The following PRUNE2 variants were observed in gnomAD, a reference collection of about 807,000 sequenced individuals.
PRUNE2 encodes the protein protein prune homolog 2.
PRUNE2 carries 164 observed loss-of-function variants against 252.0 expected under a neutral mutation model. That is an observed-to-expected ratio of 0.65 (90% confidence interval 0.57 to 0.74). PRUNE2 has a LOEUF of 0.74. PRUNE2 is among the 30% of genes least tolerant of loss of function. The pLI is 0.00. For missense variants in PRUNE2, 3,495 were observed against 3,711.0 expected (o/e 0.94, Z 1.51); for synonymous variants, 1,292 against 1,350.2 (o/e 0.96, Z 0.94).
intron 6 of PRUNE2, among the ~76,000 whole-genome samples, chr9:76,767,239 G>A (rs1019951037): frequency 1.5e-4 from 23 of 152,056 alleles, no homozygotes; most frequent in Non-Finnish European, 1.6e-4. Context: ...ATCACTTGAG[G>A]TCGGGAGTTC....
chr9:76,717,357 C>T (rs1248551992), intron 6 of PRUNE2, among the ~76,000 whole-genome samples: 1 of 152,110 alleles, frequency 6.6e-6, no homozygotes, highest in East Asian at 1.9e-4. Context: ...TTATTATTGT[C>T]TTCTAGCTAC....
At position 76,638,279 on chromosome 9, in the gene PRUNE2, C is replaced by CCATAG; in HGVS notation, c.8733_8737dup (p.Gly2913AlafsTer6). ...CACAATGATGGCATTTAGACCGTCCCCATAGTATCCTGGGGGACAAACAAA... is the reference window on the plus strand; with the variant it reads ...CACAATGATGGCATTTAGACCGTCCCCATAGCATAGTATCCTGGGGGACAAACAAA... On this transcript the variant is annotated frameshift_variant, in exon 13 of 19. Coordinates refer to ENST00000376718, the MANE Select transcript of PRUNE2 (RefSeq NM_015225.3). LOFTEE classifies it high-confidence loss of function. 1 of 1,612,684 alleles carries CCATAG rather than the reference C, an allele frequency of 6.2e-7. No homozygotes were observed. Among genetic ancestry groups the CCATAG allele is most frequent in the East Asian group, 2.2e-5 (1 of 44,840 alleles).
At chr9:76,749,213 G>A (rs920755879) in intron 6 of PRUNE2, among the ~76,000 whole-genome samples, 3 of 152,204 alleles carry the variant, frequency 2.0e-5, no homozygotes, top group Non-Finnish European at 4.4e-5. Flanking sequence ...AGTGGAAAAT[G>A]CCATCAGCTG....
At chr9:76,854,015 A>G in intron 2 of PRUNE2, 89 bp downstream of exon 2, 1 of 608,994 alleles carries the variant, frequency 1.6e-6, no homozygotes, top group Non-Finnish European at 2.8e-6. Flanking sequence ...AAATTAAGTT[A>G]ATAGGTTCCT....
At chr9:76,663,102 T>C (rs1179963282) in intron 9 of PRUNE2, among the ~76,000 whole-genome samples, 1 of 152,190 alleles carries the variant, frequency 6.6e-6, no homozygotes, top group Admixed American at 6.5e-5. Context: ...ACAGAGTACT[T>C]ATCAAATTAC....
intron 4 of PRUNE2, among the ~76,000 whole-genome samples, chr9:76,840,204 T>A (rs1184433782): frequency 1.3e-5 from 2 of 152,180 alleles, no homozygotes; most frequent in African/African-American, 4.8e-5. Flanking sequence ...ACTTAGCAAC[T>A]GAGCAGAGGA....
chr9:76,855,082 A>AAAAAAAATATATATAT (rs1490285240), intron 1 of PRUNE2, among the ~76,000 whole-genome samples: 1 of 109,438 alleles, frequency 9.1e-6, no homozygotes, highest in African/African-American at 3.9e-5. Context: ...AAAAAAAAAA[A>AAAAAAAATATATATAT]ATATATATAT....
At chr9:76,824,789 C>T (rs2058248850) in intron 5 of PRUNE2, among the ~76,000 whole-genome samples, 1 of 152,182 alleles carries the variant, frequency 6.6e-6, no homozygotes, top group South Asian at 2.1e-4. Flanking sequence ...CTCTGTCAAT[C>T]ACATGAGGAA....
At chr9:76,794,989 G>T (rs1355614656) in intron 6 of PRUNE2, among the ~76,000 whole-genome samples, 1 of 152,116 alleles carries the variant, frequency 6.6e-6, no homozygotes, top group Non-Finnish European at 1.5e-5. Flanking sequence ...ATGCTCTTCT[G>T]CCTGCCACGA....
intron 1 of PRUNE2, among the ~76,000 whole-genome samples, chr9:76,885,086 A>G (rs1369976289): frequency 6.6e-6 from 1 of 152,212 alleles, no homozygotes; most frequent in Non-Finnish European, 1.5e-5. Context: ...ACCCAAAGGG[A>G]AGGAGTAAGG....
intron 18 of PRUNE2, among the ~76,000 whole-genome samples, chr9:76,617,642 T>C (rs1830346640): frequency 6.6e-6 from 1 of 152,184 alleles, no homozygotes; most frequent in South Asian, 2.1e-4. Flanking sequence ...GAAGAATATG[T>C]TCTTCTAAAA....
chr9:76,621,434 T>A (rs529275546), intron 17 of PRUNE2, among the ~76,000 whole-genome samples: 3 of 152,152 alleles, frequency 2.0e-5, no homozygotes, highest in Non-Finnish European at 4.4e-5. Flanking sequence ...CTGTACACAT[T>A]TTCAAATGTG....
At position 76,705,100 on chromosome 9, in the gene PRUNE2, AC is replaced by A; in HGVS notation, c.7173del (p.Tyr2392ThrfsTer20). ...TAAGACAAATCAAAGGGAGGTGTGT[AC>A]GGTGCCAGCGACTGCTTCAGAGAAT... ...EEDSLKQSLA[P>X]YTPPFDLSYL... On this transcript the variant is annotated frameshift_variant, in exon 8 of 19. Transcript: ENST00000376718. LOFTEE classifies it high-confidence loss of function. 1 of 1,614,018 alleles carries A rather than the reference AC, an allele frequency of 6.2e-7. No homozygotes were observed. The highest frequency in any genetic ancestry group is 8.5e-7 in the Non-Finnish European group (1 of 1,179,896).
chr9:76,618,832 G>A (rs148471438), intron 18 of PRUNE2, among the ~76,000 whole-genome samples: 14 of 152,316 alleles, frequency 9.2e-5, no homozygotes, highest in South Asian at 4.1e-4. Context: ...AGTCTGGAAC[G>A]TGGTTAAGAA....
At chr9:76,837,441 A>AAATATAATAATAATAAT in intron 4 of PRUNE2, among the ~76,000 whole-genome samples, 1 of 134,832 alleles carries the variant, frequency 7.4e-6, no homozygotes, top group East Asian at 2.4e-4. Flanking sequence ...ACTCTGTCTC[A>AAATATAATAATAATAAT]AATAATAATA....
intron 6 of PRUNE2, chr9:76,739,273 C>A (rs141060905): frequency 1.3e-5 from 2 of 152,072 alleles, no homozygotes; most frequent in African/African-American, 4.8e-5. Flanking sequence ...GGTTTGGATA[C>A]CAGCTGTAGC....
chr9:76,850,451 A>G lies in PRUNE2; in HGVS notation c.344+12T>C. On this transcript the variant is annotated intron_variant, in intron 3 of 18. Transcript: ENST00000376718. ...GAGGGATTAAACCTCAGAGCTTCAC[A>G]GTGGATCTTACCTCGCCAGCACACT... 5 of 1,607,434 alleles carry G rather than the reference A, an allele frequency of 3.1e-6. No individual in the cohort carries two copies. The highest frequency in any genetic ancestry group is 4.3e-6 in the Non-Finnish European group (5 of 1,173,922).
At chr9:76,838,274 T>C (rs2059175318) in intron 4 of PRUNE2, among the ~76,000 whole-genome samples, 1 of 151,620 alleles carries the variant, frequency 6.6e-6, no homozygotes, top group African/African-American at 2.4e-5. Context: ...ACAAGTAGAT[T>C]CTCCATTTAA....
intron 1 of PRUNE2, among the ~76,000 whole-genome samples, chr9:76,875,468 T>C (rs2061425933): frequency 6.6e-6 from 1 of 151,988 alleles, no homozygotes; most frequent in Admixed American, 6.6e-5. Flanking sequence ...CAGGTTCAAG[T>C]GATTCTCCTG....
Sources: gnomAD v4.1 joint callset for allele counts (sites outside exome capture counted in the v4.1 genomes callset) on GRCh38, gnomAD v4.1.1 for gene constraint, MANE v1.5 for transcripts, NCBI Gene and HGNC (gene_info 2026-07-23, HGNC 2026-07-21) for gene names.